The following ADAMTS19 variants were observed in gnomAD, a reference collection of about 807,000 sequenced individuals.
ADAMTS19 encodes ADAM metallopeptidase with thrombospondin type 1 motif 19.
A neutral mutation model predicts 153.3 loss-of-function variants in ADAMTS19; 93 were observed. The observed-to-expected ratio is 0.61, with a 90% CI of 0.51 to 0.72. The LOEUF is 0.72. Among genes scored for constraint, ADAMTS19 ranks in the 30% least tolerant of loss-of-function variants. The probability of loss-of-function intolerance (pLI) is 0.00; values close to 1 mark genes in which losing one functional copy is unlikely to be tolerated. For synonymous variants in ADAMTS19, 600 were observed against 556.6 expected (o/e 1.08, Z -1.10); for missense variants, 1,482 against 1,552.1 (o/e 0.95, Z 0.76).
At chr5:129,691,016 G>A (rs1755309168) in intron 18 of ADAMTS19, among the ~76,000 whole-genome samples, 1 of 152,022 alleles carries the variant, frequency 6.6e-6, no homozygotes, top group African/African-American at 2.4e-5. Context: ...GCAAGTTCTA[G>A]TAATGTGAGG....
intron 2 of ADAMTS19, among the ~76,000 whole-genome samples, chr5:129,503,607 G>C (rs1256270918): frequency 6.6e-6 from 1 of 152,132 alleles, no homozygotes; most frequent in African/African-American, 2.4e-5. Flanking sequence ...GGGAGGCTGA[G>C]GCATGCGGAT....
intron 7 of ADAMTS19, among the ~76,000 whole-genome samples, chr5:129,593,444 T>A (rs959378240): frequency 2.0e-5 from 3 of 152,208 alleles, no homozygotes; most frequent in Non-Finnish European, 2.9e-5. Flanking sequence ...CAGAACTTTC[T>A]CTCTGAAATC....
chr5:129,467,686 A>G (rs1048475640), intron 2 of ADAMTS19, among the ~76,000 whole-genome samples: 1 of 152,202 alleles, frequency 6.6e-6, no homozygotes, highest in Admixed American at 6.5e-5. Context: ...ATCCTGGATT[A>G]TATGGTCACA....
chr5:129,527,726 T>G (rs1752064986), intron 4 of ADAMTS19, 22 bp from the exon 5 acceptor site: 1 of 1,407,788 alleles, frequency 7.1e-7, no homozygotes, highest in Middle Eastern at 2.2e-4. Context: ...ATTTTAGGAT[T>G]TTTATTTTTA....
In ADAMTS19 at chr5:129,461,049, C is replaced by T. The variant is rs1749632952; in HGVS notation, c.92-53C>T. The T allele has an allele frequency of 5.4e-6, 7 of 1,301,414 alleles. No individual in the cohort carries two copies. The highest frequency in any genetic ancestry group is 6.8e-6 in the Non-Finnish European group (7 of 1,029,524). 80.6% of individuals were successfully genotyped at this position (1,301,414 alleles called of 1,614,324 possible). A position where few individuals can be genotyped will look rare whatever the true frequency, so the allele number is the denominator to read the frequency against. On this transcript the variant is annotated intron_variant, in intron 1 of 22. Coordinates refer to ENST00000274487, the MANE Select transcript of ADAMTS19 (RefSeq NM_133638.6). The surrounding 1 kb of genome is among the most constrained non-coding windows in gnomAD (Gnocchi z 4.6). ...GACTGTGAGCTTGGAAATGTTTGTG[C>T]TACTGGAACCGCGGCACTTTAAGCC...
chr5:129,608,372 G>T (rs1751032398), intron 8 of ADAMTS19, among the ~76,000 whole-genome samples: 1 of 151,250 alleles, frequency 6.6e-6, no homozygotes, highest in Non-Finnish European at 1.5e-5. Flanking sequence ...CTGGTCAAAG[G>T]GTACAATCCT....
intron 16 of ADAMTS19, 67 bp from the exon 17 acceptor site, chr5:129,679,697 T>C (rs1340070703): frequency 1.7e-5 from 22 of 1,309,650 alleles, no homozygotes; most frequent in Non-Finnish European, 2.3e-5. Context: ...ACAAAATAAT[T>C]TGTAGTAGAT....
chr5:129,609,173 T>C (rs964511206), intron 8 of ADAMTS19, among the ~76,000 whole-genome samples: 4 of 152,214 alleles, frequency 2.6e-5, no homozygotes, highest in Non-Finnish European at 4.4e-5. Context: ...AAAAACTACC[T>C]ATGTGGATAG....
chr5:129,635,055 G>A (rs1345671068), intron 10 of ADAMTS19, among the ~76,000 whole-genome samples: 1 of 151,784 alleles, frequency 6.6e-6, no homozygotes. Context: ...AGCAACAATA[G>A]CAAACTTAAG....
At chr5:129,566,531 C>A (rs781422861) in intron 7 of ADAMTS19, among the ~76,000 whole-genome samples, 1 of 152,110 alleles carries the variant, frequency 6.6e-6, no homozygotes, top group Non-Finnish European at 1.5e-5. Context: ...GCCACCAAAC[C>A]AGCAGTGAGT....
intron 21 of ADAMTS19, among the ~76,000 whole-genome samples, chr5:129,712,287 T>C (rs899939000): frequency 3.3e-5 from 5 of 152,174 alleles, no homozygotes; most frequent in African/African-American, 1.2e-4. Context: ...AATCAAAGAT[T>C]GTGAGCTTAA....
chr5:129,527,583 T>C (rs1422874258), intron 4 of ADAMTS19, among the ~76,000 whole-genome samples, 165 bp from the exon 5 acceptor site: 5 of 147,288 alleles, frequency 3.4e-5, no homozygotes, highest in Non-Finnish European at 4.5e-5. Context: ...TTAAATTCAA[T>C]GTAACAAATA....
chr5:129,595,057 G>A lies in ADAMTS19; in HGVS notation c.1373-1502G>A, dbSNP rs1047014637. Among the ~76,000 whole-genome samples the A allele has an allele frequency of 1.4e-4, 22 of 151,962 alleles. No individual in the cohort carries two copies. In the East Asian group the frequency reaches 2.1e-3, roughly 15 times the overall value. On this transcript the variant is annotated intron_variant, in intron 7 of 22. Coordinates refer to ENST00000274487, the MANE Select transcript of ADAMTS19 (RefSeq NM_133638.6). ...AAAACTACATCCATATGTGTATTTC[G>A]TCTTTTTGCTGTTTCTTCATGTAGT...
rs574363874 is a variant in ADAMTS19, at chr5:129,669,796, AT to A, written c.2506+4220del. 3.2e-3 allele frequency among the ~76,000 whole-genome samples: 484 copies of A among 151,880 alleles called. 8 individuals are homozygous for A. Among genetic ancestry groups the A allele is most frequent in the Middle Eastern group, 0.017 (5 of 290 alleles). Reference sequence around the variant, plus strand: ...TTGAGTTTTCATTTGTCTCCAGATAATTTCTAATTCCCCATGTGATTTTTTT... The same window carrying A: ...TTGAGTTTTCATTTGTCTCCAGATAATTCTAATTCCCCATGTGATTTTTTT... On this transcript the variant is annotated intron_variant, in intron 16 of 22. Coordinates refer to ENST00000274487, the MANE Select transcript of ADAMTS19 (RefSeq NM_133638.6).
At chr5:129,497,114 G>A (rs961922154) in intron 2 of ADAMTS19, among the ~76,000 whole-genome samples, 5 of 151,988 alleles carry the variant, frequency 3.3e-5, no homozygotes, top group Admixed American at 6.6e-5. Context: ...ATGTGGGTTA[G>A]ACACGGGCAG....
At chr5:129,473,959 A>G (rs181935536) in intron 2 of ADAMTS19, among the ~76,000 whole-genome samples, 170 of 152,208 alleles carry the variant, frequency 1.1e-3, no homozygotes, top group African/African-American at 3.9e-3. Context: ...TTTAAGCATA[A>G]AATTCAGTGT....
chr5:129,677,432 G>A lies in ADAMTS19; in HGVS notation c.2507-2332G>A, dbSNP rs183254985. ...GCAGAAGTTGCAGTGAGCTGAGATC[G>A]GGCCACTGCACTCCAGCCTGGGTGA... On this transcript the variant is annotated intron_variant, in intron 16 of 22. Coordinates refer to ENST00000274487, the MANE Select transcript of ADAMTS19 (RefSeq NM_133638.6). Among the ~76,000 whole-genome samples, 364 of 151,942 alleles carry A rather than the reference G, an allele frequency of 2.4e-3. 2 individuals carry two copies. Among genetic ancestry groups the A allele is most frequent in the African/African-American group, 7.9e-3 (327 of 41,446 alleles).
intron 2 of ADAMTS19, among the ~76,000 whole-genome samples, chr5:129,501,565 C>T (rs979417609): frequency 6.6e-6 from 1 of 152,034 alleles, no homozygotes; most frequent in African/African-American, 2.4e-5. Context: ...ACTTATATGG[C>T]AGGCCTACCC....
intron 2 of ADAMTS19, among the ~76,000 whole-genome samples, chr5:129,486,700 C>T (rs182100901): frequency 6.6e-5 from 10 of 152,168 alleles, no homozygotes; most frequent in Non-Finnish European, 1.2e-4. Flanking sequence ...ATTCTAACCA[C>T]TTCTATTCAA....
Sources: allele counts gnomAD v4.1 joint callset (sites outside exome capture counted in the v4.1 genomes callset), GRCh38; gene constraint gnomAD v4.1.1; non-coding constraint Gnocchi (gnomAD v3.1); transcripts MANE v1.5; gene names NCBI Gene and HGNC (gene_info 2026-07-23, HGNC 2026-07-21).